CLCNKA: variants seen among roughly 807,000 people sequenced by gnomAD.
CLCNKA encodes chloride voltage-gated channel Ka.
Under a neutral mutation model 83.3 loss-of-function variants are expected in CLCNKA, and 66 were observed. That is an observed-to-expected ratio of 0.79 (90% CI 0.65 to 0.97). CLCNKA has a LOEUF of 0.97. Among genes scored for constraint, CLCNKA ranks in the 50% least tolerant of loss-of-function variants. The pLI, the probability that CLCNKA is intolerant of heterozygous loss-of-function variation, is 0.00. For missense variants in CLCNKA, 806 were observed against 888.7 expected (o/e 0.91, Z 1.18); for synonymous variants, 357 against 370.4 (o/e 0.96, Z 0.42).
At chr1:16,029,421 G>A in intron 12 of CLCNKA, 122 bp downstream of exon 12, 2 of 1,454,970 alleles carry the variant, frequency 1.4e-6, no homozygotes, top group Non-Finnish European at 1.9e-6. Context: ...TTCCTTCTGT[G>A]CCCCCTGCCC....
At chr1:16,028,884 C>T (rs766878931) in intron 11 of CLCNKA, 39 bp downstream of exon 11, 25 of 1,605,630 alleles carry the variant, frequency 1.6e-5, no homozygotes, top group African/African-American at 2.7e-5. Flanking sequence ...AGTGGGAACC[C>T]CCATTTGTTT....
intron 10 of CLCNKA, 171 bp from the exon 11 acceptor site, chr1:16,028,590 C>T (rs757332612): frequency 1.6e-5 from 13 of 810,270 alleles, no homozygotes; most frequent in Admixed American, 9.8e-5. Context: ...CGGGTTCTAC[C>T]CGCTGGAGGG....
chr1:16,032,328 G>A (rs1267097863), intron 17 of CLCNKA, 37 bp downstream of exon 17: 1 of 1,429,174 alleles, frequency 7.0e-7, no homozygotes, highest in East Asian at 2.3e-5. Flanking sequence ...TGGGGCGGGG[G>A]TGGGTCAGCA....
At chr1:16,033,401 G>C (rs2022716372) in intron 19 of CLCNKA, 145 bp downstream of exon 19, 1 of 1,118,690 alleles carries the variant, frequency 8.9e-7, no homozygotes, top group African/African-American at 1.5e-5. Context: ...TTCTGGCCCA[G>C]ATTGGCCACT....
intron 12 of CLCNKA, 118 bp downstream of exon 12, chr1:16,029,417 C>T (rs2022521147): frequency 1.4e-6 from 2 of 1,466,182 alleles, no homozygotes; most frequent in African/African-American, 1.4e-5. Context: ...ACACTTCCTT[C>T]TGTGCCCCCT....
chr1:16,033,548 T>TGGCGG, intron 19 of CLCNKA, 63 bp from the exon 20 acceptor site: 1 of 1,121,918 alleles, frequency 8.9e-7, no homozygotes, highest in Non-Finnish European at 1.4e-6. Flanking sequence ...CTAAAAATGC[T>TGGCGG]GGAGCCCCCC....
In CLCNKA at chr1:16,027,327, G is replaced by A. The variant is rs746559971; in HGVS notation, c.673G>A (p.Glu225Lys). ...APFSGVLFSI[E>K]VMSSHFSVRD... Reference sequence around the variant, plus strand: ...GCCCCCAGGCGTCCTGTTCAGCATCGAGGTCATGTCTTCCCACTTCTCTGT... The same window carrying A: ...GCCCCCAGGCGTCCTGTTCAGCATCAAGGTCATGTCTTCCCACTTCTCTGT... The change falls in exon 8 of 20, where the codon GAG becomes AAG. Residue 225 changes from glutamate to lysine, a missense_variant. Coordinates refer to ENST00000331433, the MANE Select transcript of CLCNKA (RefSeq NM_004070.4). The A allele has an allele frequency of 6.2e-7, 1 of 1,613,290 alleles. No homozygotes were observed. Among genetic ancestry groups the A allele is most frequent in the Non-Finnish European group, 8.5e-7 (1 of 1,179,986 alleles).
In CLCNKA at chr1:16,030,456, G is replaced by A. The variant is rs747125430; in HGVS notation, c.1409-5G>A. ...GAGCCGACCTGTGTGGCTCTGCCCC[G>A]GCAGGGGCTGCAGCCTTCTCAGGGG... On this transcript the variant is annotated splice_polypyrimidine_tract_variant and splice_region_variant and intron_variant, in intron 14 of 19. Coordinates refer to ENST00000331433, the MANE Select transcript of CLCNKA (RefSeq NM_004070.4). 11 of 1,612,200 alleles carry A rather than the reference G, an allele frequency of 6.8e-6. No individual in the cohort carries two copies. The highest frequency in any genetic ancestry group is 4.5e-5 in the East Asian group (2 of 44,888).
intron 7 of CLCNKA, chr1:16,027,051 T>C: frequency 1.5e-6 from 1 of 654,084 alleles, no homozygotes; most frequent in Non-Finnish European, 2.6e-6. Flanking sequence ...CGCAGCTTCC[T>C]CCTCTGTAAA....
chr1:16,028,794 T>C lies in CLCNKA; in HGVS notation c.1002T>C (p.Leu334=). The change falls in exon 11 of 20, where the codon CTT becomes CTC. Residue 334 remains leucine, a synonymous_variant. Transcript: ENST00000331433. ...KPVYSALATL[L]LASITYPPGV... Reference sequence around the variant, plus strand: ...TGTACTCCGCTCTGGCCACCTTGCTTCTCGCCTCCATCACCTACCCGCCTG... The same window carrying C: ...TGTACTCCGCTCTGGCCACCTTGCTCCTCGCCTCCATCACCTACCCGCCTG... 1 of 1,614,046 alleles carries C rather than the reference T, an allele frequency of 6.2e-7. No homozygotes were observed.
chr1:16,032,257 A>G lies in CLCNKA; in HGVS notation c.1811A>G (p.Gln604Arg), dbSNP rs778896411. 5 of 1,508,572 alleles carry G rather than the reference A, an allele frequency of 3.3e-6. No homozygotes were observed. The highest frequency in any genetic ancestry group is 1.8e-5 in the Admixed American group (1 of 56,134). The allele number at this position is 1,508,572 out of a possible 1,614,324, so 93.4% of individuals were successfully genotyped here. A position where few individuals can be genotyped will look rare whatever the true frequency, so the allele number is the denominator to read the frequency against. Residue 604 changes from glutamine to arginine, a missense_variant, in exon 17 of 20, where the codon CAG becomes CGG. Coordinates refer to ENST00000331433, the MANE Select transcript of CLCNKA (RefSeq NM_004070.4). ...VQRAQLVQAL[Q>R]AEPPSRAPGH... Reference sequence around the variant, plus strand: ...AGGGCCCAGCTGGTGCAGGCCCTCCAGGCTGAGCCTCCTTCCAGGGCTCCA... The same window carrying G: ...AGGGCCCAGCTGGTGCAGGCCCTCCGGGCTGAGCCTCCTTCCAGGGCTCCA...
At chr1:16,025,006 T>C in intron 4 of CLCNKA, 115 bp downstream of exon 4, 9 of 1,424,292 alleles carry the variant, frequency 6.3e-6, no homozygotes, top group Non-Finnish European at 8.8e-6. Flanking sequence ...CCAGAAGAGT[T>C]ATGTGGCTTG....
intron 14 of CLCNKA, 133 bp downstream of exon 14, chr1:16,030,208 T>C: frequency 1.3e-6 from 1 of 757,102 alleles, no homozygotes; most frequent in South Asian, 1.7e-5. Flanking sequence ...CTCATGGGGG[T>C]CTGTCCCTCC....
intron 11 of CLCNKA, 37 bp downstream of exon 11, chr1:16,028,882 C>G: frequency 6.2e-7 from 1 of 1,605,118 alleles, no homozygotes. Context: ...GGAGTGGGAA[C>G]CCCCATTTGT....
rs1199255847 is a variant in CLCNKA at position 16,026,607 on chromosome 1, G to A, written c.570G>A (p.Glu190=). Residue 190 remains glutamate (E), a synonymous_variant, in exon 6 of 20, where the codon GAG becomes GAA. Transcript: ENST00000331433. ...GTGTGCGCACCACGACCATCGGGGA[G>A]CCTGAGGTTAGGGACTCGGGGGCTT... ...LGRVRTTTIG[E]PENKSKQNEM... 1.6e-5 allele frequency: 26 copies of A among 1,613,934 alleles called. No homozygotes were observed. Among genetic ancestry groups the A allele is most frequent in the Non-Finnish European group, 2.1e-5 (25 of 1,180,022 alleles).
At position 16,022,602 on chromosome 1, in the gene CLCNKA, T is replaced by C. The variant is rs1163777344; in HGVS notation, c.-7-11T>C. The C allele has an allele frequency of 1.2e-5, 19 of 1,548,548 alleles. No individual in the cohort carries two copies. Among genetic ancestry groups the C allele is most frequent in the Non-Finnish European group, 9.6e-6 (11 of 1,144,540 alleles). ...GCTCACCCGGGTCCTTCCCTCCATC[T>C]GCTTCTCCAGGGGCCTGATGGAGGA... On this transcript the variant is annotated splice_polypyrimidine_tract_variant and intron_variant, in intron 1 of 19. Transcript: ENST00000331433.
At chr1:16,025,616 A>G (rs1033633876) in intron 4 of CLCNKA, among the ~76,000 whole-genome samples, 15 of 144,982 alleles carry the variant, frequency 1.0e-4, no homozygotes, top group African/African-American at 3.6e-4. Context: ...AGCCTGAGGA[A>G]GTCGGGGTTA....
intron 12 of CLCNKA, among the ~76,000 whole-genome samples, 173 bp from the exon 13 acceptor site, chr1:16,029,558 A>C (rs1476818611): frequency 6.6e-6 from 1 of 152,200 alleles, no homozygotes; most frequent in African/African-American, 2.4e-5. Context: ...CCAGGCATAC[A>C]GTGGGCATTT....
intron 10 of CLCNKA, chr1:16,028,552 G>A: frequency 4.3e-6 from 3 of 703,438 alleles, no homozygotes; most frequent in Non-Finnish European, 7.7e-6. Context: ...TCTGCCCTCA[G>A]TCATACCCAG....
Sources: gnomAD v4.1 joint callset for allele counts (sites outside exome capture counted in the v4.1 genomes callset) on GRCh38, gnomAD v4.1.1 for gene constraint, MANE v1.5 for transcripts, NCBI Gene and HGNC (gene_info 2026-07-23, HGNC 2026-07-21) for gene names.